The following CIRSR variants were observed in gnomAD, a reference collection of about 807,000 sequenced individuals.
CIRSR encodes corepressor of RBPJ and splicing regulator.
the CIRSR span, among the ~76,000 whole-genome samples, chr2:174,355,965 T>C: frequency 1.3e-5 from 2 of 152,264 alleles, no homozygotes; most frequent in Admixed American, 1.3e-4. Flanking sequence ...TCGAAGTTCA[T>C]CATTCTTTTC....
At chr2:174,378,105 A>C in the CIRSR span, among the ~76,000 whole-genome samples, 1 of 152,124 alleles carries the variant, frequency 6.6e-6, no homozygotes, top group Non-Finnish European at 1.5e-5. Context: ...GCTTCAATAG[A>C]GCAGCCCTGC....
chr2:174,351,660 T>G, the CIRSR span: 2 of 1,613,932 alleles, frequency 1.2e-6, no homozygotes, highest in African/African-American at 2.7e-5. Flanking sequence ...CCCAGTACAT[T>G]TCGTTTCAGT....
chr2:174,372,120 T>C, the CIRSR span, among the ~76,000 whole-genome samples: 1 of 152,146 alleles, frequency 6.6e-6, no homozygotes, highest in Non-Finnish European at 1.5e-5. Context: ...CTATTAGCTT[T>C]AGTTAAGTAC....
the CIRSR span, chr2:174,380,091 A>G: frequency 1.5e-6 from 1 of 657,374 alleles, no homozygotes; most frequent in Non-Finnish European, 2.6e-6. Flanking sequence ...TATCTGATAC[A>G]AATAAAAACC....
chr2:174,353,418 A>G, the CIRSR span, among the ~76,000 whole-genome samples: 1 of 152,302 alleles, frequency 6.6e-6, no homozygotes, highest in Non-Finnish European at 1.5e-5. Flanking sequence ...TTTAAATATT[A>G]ATACTGGTTG....
the CIRSR span, among the ~76,000 whole-genome samples, chr2:174,362,428 T>G: frequency 6.6e-6 from 1 of 151,856 alleles, no homozygotes; most frequent in African/African-American, 2.4e-5. Context: ...AAATTTGGAG[T>G]CAATGTTTAT....
chr2:174,372,714 C>T, the CIRSR span, among the ~76,000 whole-genome samples: 1 of 152,062 alleles, frequency 6.6e-6, no homozygotes, highest in African/African-American at 2.4e-5. Flanking sequence ...TCCTGAGTGG[C>T]TGGGATTACA....
the CIRSR span, among the ~76,000 whole-genome samples, chr2:174,355,530 T>C: frequency 1.3e-5 from 2 of 152,182 alleles, no homozygotes; most frequent in African/African-American, 2.4e-5. Context: ...AAACTTTTCT[T>C]TGCTGTGATA....
At chr2:174,383,474 C>CT in the CIRSR span, among the ~76,000 whole-genome samples, 1 of 152,012 alleles carries the variant, frequency 6.6e-6, no homozygotes, top group African/African-American at 2.4e-5. Flanking sequence ...AATCCCAGCA[C>CT]TTTGGGAGGC....
At chr2:174,376,612 A>G in the CIRSR span, among the ~76,000 whole-genome samples, 4 of 151,964 alleles carry the variant, frequency 2.6e-5, no homozygotes, top group Admixed American at 1.3e-4. Context: ...CCTGGCTAAC[A>G]TGGTGAAACC....
At chr2:174,381,216 T>G in the CIRSR span, among the ~76,000 whole-genome samples, 1 of 152,216 alleles carries the variant, frequency 6.6e-6, no homozygotes, top group Admixed American at 6.5e-5. Context: ...GAAAGATATT[T>G]TTTAGTATTT....
the CIRSR span, among the ~76,000 whole-genome samples, chr2:174,363,543 A>T: frequency 1.3e-5 from 2 of 152,212 alleles, no homozygotes; most frequent in Admixed American, 1.3e-4. Flanking sequence ...GGTATGCTGT[A>T]TTAGTCTGTT....
the CIRSR span, among the ~76,000 whole-genome samples, chr2:174,354,758 A>T: frequency 6.1e-5 from 5 of 81,456 alleles, no homozygotes; most frequent in African/African-American, 1.2e-4. Context: ...TATATATATT[A>T]TATATATATA....
chr2:174,380,620 T>C, the CIRSR span: 1 of 1,582,866 alleles, frequency 6.3e-7, no homozygotes, highest in Non-Finnish European at 8.6e-7. Flanking sequence ...TAATGATACA[T>C]ATCTTGTCTT....
chr2:174,392,775 TG>T, the CIRSR span, among the ~76,000 whole-genome samples: 4 of 152,202 alleles, frequency 2.6e-5, no homozygotes. Context: ...AGGGCTGATT[TG>T]GGGTAAAAAA....
the CIRSR span, among the ~76,000 whole-genome samples, chr2:174,375,722 T>C: frequency 6.6e-6 from 1 of 152,278 alleles, no homozygotes. Context: ...GTAACATATT[T>C]AGTTTTCATT....
chr2:174,387,892 A>G, the CIRSR span: 1 of 848,396 alleles, frequency 1.2e-6, no homozygotes, highest in Non-Finnish European at 1.7e-6. Flanking sequence ...GGAGTGCCCA[A>G]TCTTTTGGCT....
chr2:174,350,833 G>A, the CIRSR span: 2 of 963,682 alleles, frequency 2.1e-6, no homozygotes, highest in Admixed American at 2.6e-5. Flanking sequence ...AATAAGTTTT[G>A]TATCAGGGAC....
the CIRSR span, among the ~76,000 whole-genome samples, chr2:174,375,328 C>G: frequency 6.6e-6 from 1 of 152,172 alleles, no homozygotes; most frequent in Non-Finnish European, 1.5e-5. Flanking sequence ...TTCATTTTGG[C>G]TGGGCACGGT....
Sources: gnomAD v4.1 joint callset for allele counts (sites outside exome capture counted in the v4.1 genomes callset) on GRCh38, gnomAD v4.1.1 for gene constraint, MANE v1.5 for transcripts, NCBI Gene and HGNC (gene_info 2026-07-23, HGNC 2026-07-21) for gene names.